The following MEP1B variants were observed in gnomAD, a reference collection of about 807,000 sequenced individuals.
MEP1B encodes meprin A subunit beta.
Under a neutral mutation model 84.6 loss-of-function variants are expected in MEP1B, and 80 were observed. The ratio of observed to expected loss-of-function variants is 0.95; its 90% CI spans 0.79 to 1.14. The LOEUF (loss-of-function observed/expected upper bound fraction) is 1.14, where lower values mean the gene tolerates loss of function less well. Among genes scored for constraint, MEP1B ranks in the 50% most tolerant of loss-of-function variants. The pLI is 0.00. For synonymous variants in MEP1B, 273 were observed against 288.1 expected (o/e 0.95, Z 0.53); for missense variants, 766 against 855.1 (o/e 0.90, Z 1.30).
At chr18:32,216,567 T>G (rs573518320) in intron 12 of MEP1B, among the ~76,000 whole-genome samples, 1 of 152,326 alleles carries the variant, frequency 6.6e-6, no homozygotes, top group Non-Finnish European at 1.5e-5. Context: ...CAGTGGCTTG[T>G]ACCCTTCTGG....
intron 14 of MEP1B, 76 bp downstream of exon 14, chr18:32,218,041 T>C (rs974572805): frequency 7.5e-5 from 102 of 1,365,940 alleles, no homozygotes; most frequent in Admixed American, 4.5e-4. Flanking sequence ...ACATTTTTTA[T>C]ATACTTTGGT....
intron 11 of MEP1B, among the ~76,000 whole-genome samples, chr18:32,214,626 G>A (rs1320072750): frequency 6.6e-6 from 1 of 152,134 alleles, no homozygotes; most frequent in Non-Finnish European, 1.5e-5. Context: ...TCTGTTAGGT[G>A]AATAATTCAG....
In MEP1B at chr18:32,196,182, G is replaced by T; in HGVS notation, c.250+697G>T. On this transcript the variant is annotated intron_variant, in intron 5 of 14. Transcript: ENST00000269202. The surrounding 1 kb of genome is among the most constrained non-coding windows in gnomAD (Gnocchi z 4.4). ...GGAGCTGGTGTCACTGCGCCACCTC[G>T]GCTTTCAGACTCTCCAAGTCTTTTT... is the stretch of plus-strand genomic sequence containing the variant. 1 of 642,948 alleles carries T rather than the reference G, an allele frequency of 1.6e-6. No individual in the cohort carries two copies. The allele number at this position is 642,948 out of a possible 1,614,324, so 39.8% of individuals were successfully genotyped here. A position where few individuals can be genotyped will look rare whatever the true frequency, so the allele number is the denominator to read the frequency against.
At chr18:32,209,009 AAAG>A (rs2040994745) in intron 9 of MEP1B, among the ~76,000 whole-genome samples, 2 of 152,200 alleles carry the variant, frequency 1.3e-5, no homozygotes, top group African/African-American at 4.8e-5. Flanking sequence ...GGGAGGGGGA[AAAG>A]AAGAAGAATC....
intron 8 of MEP1B, among the ~76,000 whole-genome samples, chr18:32,207,884 A>C (rs1016945570): frequency 6.6e-6 from 1 of 152,186 alleles, no homozygotes; most frequent in African/African-American, 2.4e-5. Flanking sequence ...CAAATTAGAA[A>C]ATTTTTTTTA....
At chr18:32,192,727 G>C (rs2040814511) in intron 3 of MEP1B, 37 bp downstream of exon 3, 3 of 1,611,060 alleles carry the variant, frequency 1.9e-6, no homozygotes, top group African/African-American at 1.3e-5. Flanking sequence ...CTTAAGTAGA[G>C]AGTTTGAATC....
intron 10 of MEP1B, among the ~76,000 whole-genome samples, chr18:32,211,056 G>A (rs574747873): frequency 4.6e-5 from 7 of 152,260 alleles, no homozygotes; most frequent in East Asian, 3.9e-4. Context: ...CTGAGGTCAC[G>A]AGTTTGAGAC....
In MEP1B at chr18:32,190,064, C is replaced by G; in HGVS notation, c.-7C>G. ...ATAGTTAGCTACTTTCAACTGGAAGCTACAACATGGATTTATGGAATCTGT... is the reference window on the plus strand; with the variant it reads ...ATAGTTAGCTACTTTCAACTGGAAGGTACAACATGGATTTATGGAATCTGT... On this transcript the variant is annotated 5_prime_UTR_variant, in exon 1 of 15. Transcript: ENST00000269202. 1 of 1,612,110 alleles carries G rather than the reference C, an allele frequency of 6.2e-7. No individual in the cohort carries two copies. The highest frequency in any genetic ancestry group is 8.5e-7 in the Non-Finnish European group (1 of 1,178,774).
chr18:32,202,573 G>A (rs1168231671), intron 5 of MEP1B, among the ~76,000 whole-genome samples: 1 of 152,196 alleles, frequency 6.6e-6, no homozygotes, highest in African/African-American at 2.4e-5. Context: ...GTACGTGATG[G>A]TGATTATTTA....
At chr18:32,218,010 A>G in intron 14 of MEP1B, 45 bp downstream of exon 14, 1 of 1,580,422 alleles carries the variant, frequency 6.3e-7, no homozygotes, top group Non-Finnish European at 8.7e-7. Context: ...TATTGGTGAA[A>G]TCTTATGGAG....
At chr18:32,209,502 AT>A (rs1202359866) in intron 9 of MEP1B, among the ~76,000 whole-genome samples, 5 of 147,988 alleles carry the variant, frequency 3.4e-5, no homozygotes, top group African/African-American at 7.9e-5. Context: ...AAAAAAAAAA[AT>A]GAAAGAAAAT....
intron 5 of MEP1B, among the ~76,000 whole-genome samples, chr18:32,197,196 C>A (rs978821499): frequency 3.3e-5 from 5 of 152,010 alleles, no homozygotes; most frequent in Non-Finnish European, 7.4e-5. Flanking sequence ...GTTAAAAAGT[C>A]AGAAGAATCA....
chr18:32,194,780 ATC>A (rs1046701668), intron 4 of MEP1B, among the ~76,000 whole-genome samples: 2 of 151,770 alleles, frequency 1.3e-5, no homozygotes, highest in African/African-American at 4.8e-5. Context: ...CCTTGTTCAC[ATC>A]TCTCTTTCTA....
intron 5 of MEP1B, among the ~76,000 whole-genome samples, chr18:32,199,343 TA>T (rs1423428954): frequency 6.6e-6 from 1 of 152,168 alleles, no homozygotes; most frequent in Non-Finnish European, 1.5e-5. Flanking sequence ...GTTGAATAAG[TA>T]AGAAGATGGT....
At chr18:32,200,122 T>A (rs965094917) in intron 5 of MEP1B, among the ~76,000 whole-genome samples, 5 of 152,148 alleles carry the variant, frequency 3.3e-5, no homozygotes, top group African/African-American at 4.8e-5. Flanking sequence ...AGAGCTATTT[T>A]TCATCTTGCA....
Position 32,196,603 on chromosome 18 carries a change from C to T in MEP1B, c.250+1118C>T, listed in dbSNP as rs1393211185. 9 of 722,582 alleles carry T rather than the reference C, an allele frequency of 1.2e-5. No individual in the cohort carries two copies. Among genetic ancestry groups the T allele is most frequent in the African/African-American group, 8.6e-5 (5 of 57,970 alleles). The allele number at this position is 722,582 out of a possible 1,614,324, so 44.8% of individuals were successfully genotyped here. A position where few individuals can be genotyped will look rare whatever the true frequency, so the allele number is the denominator to read the frequency against. ...TTGTCCAGGAAGCACAGCGACAGGT[C>T]GTACTCCATCACCCTGTGCAGCACC... On this transcript the variant is annotated intron_variant, in intron 5 of 14. Coordinates refer to ENST00000269202, the MANE Select transcript of MEP1B (RefSeq NM_005925.3). The surrounding 1 kb of genome is among the most constrained non-coding windows in gnomAD (Gnocchi z 4.4).
At chr18:32,218,492 A>G (rs1478699682) in intron 14 of MEP1B, among the ~76,000 whole-genome samples, 1 of 152,196 alleles carries the variant, frequency 6.6e-6, no homozygotes, top group South Asian at 2.1e-4. Context: ...GCCTCAAAAA[A>G]TCTCTAGAAT....
chr18:32,200,585 A>G (rs8098766), intron 5 of MEP1B, among the ~76,000 whole-genome samples: 20,507 of 152,194 alleles, frequency 0.13, 2,308 homozygotes, highest in African/African-American at 0.31. Context: ...GGTAGCAAAA[A>G]TAAATACCTA....
At position 32,213,079 on chromosome 18, in the gene MEP1B, CTTCT is replaced by C. The variant is rs764863229; in HGVS notation, c.1136-34_1136-31del. 11 of 1,578,156 alleles carry C rather than the reference CTTCT, an allele frequency of 7.0e-6. No homozygotes were observed. In the African/African-American group the frequency reaches 1.1e-4, roughly 16 times the overall value. On this transcript the variant is annotated intron_variant, in intron 10 of 14. Coordinates refer to ENST00000269202, the MANE Select transcript of MEP1B (RefSeq NM_005925.3). ...AATGTTGACATGTACATGATTTGAA[CTTCT>C]TTGTCTTTGAAATAATAATGACTCT...
Sources: gnomAD v4.1 joint callset for allele counts (sites outside exome capture counted in the v4.1 genomes callset) on GRCh38, gnomAD v4.1.1 for gene constraint, Gnocchi (gnomAD v3.1) non-coding constraint, MANE v1.5 for transcripts, NCBI Gene and HGNC (gene_info 2026-07-23, HGNC 2026-07-21) for gene names.